Variants in GTF2H1 observed in about 807,000 individuals in gnomAD.
The protein encoded by GTF2H1 is BTF2 p62.
GTF2H1 carries 16 observed loss-of-function variants against 71.2 expected under a neutral mutation model. The ratio of observed to expected loss-of-function variants is 0.22; its 90% CI spans 0.15 to 0.34. The LOEUF is 0.34. GTF2H1 is among the 10% of genes least tolerant of loss of function. GTF2H1 has a pLI of 1.00. For synonymous variants in GTF2H1, 215 were observed against 219.0 expected, an observed-to-expected ratio of 0.98 and a Z score of 0.16; for missense variants, 498 against 648.2, an observed-to-expected ratio of 0.77 and a Z score of 2.52.
At chr11:18,343,879 G>A (rs1389675100) in intron 7 of GTF2H1, among the ~76,000 whole-genome samples, 1 of 152,184 alleles carries the variant, frequency 6.6e-6, no homozygotes, top group African/African-American at 2.4e-5. Flanking sequence ...TGTTGCCCAG[G>A]CTGGAGTGCA....
In GTF2H1 at chr11:18,366,022, T is replaced by G. The variant is rs113910912; in HGVS notation, c.*153T>G. 2 of 609,604 alleles carry G rather than the reference T, an allele frequency of 3.3e-6. No individual in the cohort carries two copies. Among genetic ancestry groups the G allele is most frequent in the Non-Finnish European group, 5.9e-6 (2 of 341,386 alleles). The allele number at this position is 609,604 out of a possible 1,614,324, so 37.8% of individuals were successfully genotyped here. On this transcript the variant is annotated 3_prime_UTR_variant, in exon 15 of 15. Coordinates refer to ENST00000265963, the MANE Select transcript of GTF2H1 (RefSeq NM_005316.4). Reference sequence around the variant, plus strand: ...ACTCCCAGAGCTGATGCTATTGTACTTGCACATTGGAGACTGAAAGGAAAG... The same window carrying G: ...ACTCCCAGAGCTGATGCTATTGTACGTGCACATTGGAGACTGAAAGGAAAG...
intron 1 of GTF2H1, among the ~76,000 whole-genome samples, chr11:18,331,164 C>T (rs1378990544): frequency 6.6e-6 from 1 of 152,110 alleles, no homozygotes; most frequent in Non-Finnish European, 1.5e-5. Flanking sequence ...TCTCCTGATT[C>T]TCCCGCTTCA....
intron 7 of GTF2H1, chr11:18,347,040 A>G (rs1865311678): frequency 6.7e-6 from 1 of 149,368 alleles, no homozygotes; most frequent in African/African-American, 2.5e-5. Context: ...TATTGCTTTT[A>G]TTTAACGTTT....
At chr11:18,350,342 C>T (rs1263594901) in intron 9 of GTF2H1, among the ~76,000 whole-genome samples, 7 of 151,892 alleles carry the variant, frequency 4.6e-5, no homozygotes, top group Non-Finnish European at 7.4e-5. Context: ...GGTAAGGCAA[C>T]AGCAGGGGTA....
intron 14 of GTF2H1, among the ~76,000 whole-genome samples, chr11:18,361,299 T>A (rs192995090): frequency 7.2e-5 from 11 of 152,234 alleles, no homozygotes; most frequent in African/African-American, 2.6e-4. Flanking sequence ...TGCATACCAC[T>A]CTCTCTTCCC....
At chr11:18,344,569 A>G (rs1017068859) in intron 7 of GTF2H1, among the ~76,000 whole-genome samples, 1 of 149,880 alleles carries the variant, frequency 6.7e-6, no homozygotes, top group Admixed American at 6.7e-5. Flanking sequence ...CAGTGAGCTA[A>G]GATTGCACCA....
chr11:18,361,600 C>G (rs184335463), intron 14 of GTF2H1, among the ~76,000 whole-genome samples: 1 of 152,304 alleles, frequency 6.6e-6, no homozygotes, highest in Non-Finnish European at 1.5e-5. Flanking sequence ...ACCTGGGAGA[C>G]AGGGGTTGCG....
Position 18,347,853 on chromosome 11 carries a change from T to C in GTF2H1, c.987T>C (p.Thr329=). 1 of 1,610,280 alleles carries C rather than the reference T, an allele frequency of 6.2e-7. No homozygotes were observed. Among genetic ancestry groups the C allele is most frequent in the Non-Finnish European group, 8.5e-7 (1 of 1,178,902 alleles). ...LRKQEAQNEQ[T]SEPSNMDGNS... ...TAAGAGAAGCACAAAATGAACAAACTAGTGAGCCCAGCAACATGGATGGAA... is the reference window on the plus strand; with the variant it reads ...TAAGAGAAGCACAAAATGAACAAACCAGTGAGCCCAGCAACATGGATGGAA... Residue 329 remains threonine, a synonymous_variant, in exon 9 of 15, where the codon ACT becomes ACC. Transcript: ENST00000265963.
At position 18,358,054 on chromosome 11, in the gene GTF2H1, GC is replaced by G; in HGVS notation, c.1351+14del. ...GCAAGCCATAAACCGTATGTGCCGGGCCATCTTCTACTACTTTCTGCCTAAA... is the reference window on the plus strand; with the variant it reads ...GCAAGCCATAAACCGTATGTGCCGGGCATCTTCTACTACTTTCTGCCTAAA... On this transcript the variant is annotated intron_variant, in intron 12 of 14. Transcript: ENST00000265963. The G allele has an allele frequency of 6.3e-7, 1 of 1,588,394 alleles. No individual in the cohort carries two copies.
intron 11 of GTF2H1, among the ~76,000 whole-genome samples, chr11:18,352,924 T>C (rs551910534): frequency 6.6e-6 from 1 of 152,356 alleles, no homozygotes; most frequent in Admixed American, 6.5e-5. Flanking sequence ...GCAAGTTGTC[T>C]TTCTAAAATC....
At chr11:18,347,533 A>T (rs1865323431) in intron 7 of GTF2H1, 55 bp from the exon 8 acceptor site, 15 of 1,357,482 alleles carry the variant, frequency 1.1e-5, no homozygotes, top group Non-Finnish European at 1.3e-5. Flanking sequence ...AGCGTGTCTT[A>T]TAATAAGAAA....
At chr11:18,341,851 G>A (rs906893062) in intron 7 of GTF2H1, 4 of 345,118 alleles carry the variant, frequency 1.2e-5, no homozygotes, top group Admixed American at 4.6e-5. Flanking sequence ...TCCCTCATCC[G>A]CAGTTCTCTA....
At position 18,366,173 on chromosome 11, in the gene GTF2H1, T is replaced by C. The variant is rs779810331; in HGVS notation, c.*304T>C. 9 of 280,786 alleles carry C rather than the reference T, an allele frequency of 3.2e-5. No individual in the cohort carries two copies. Among genetic ancestry groups the C allele is most frequent in the Non-Finnish European group, 4.6e-5 (7 of 151,702 alleles). The allele number at this position is 280,786 out of a possible 1,614,324, so 17.4% of individuals were successfully genotyped here. On this transcript the variant is annotated 3_prime_UTR_variant, in exon 15 of 15. Coordinates refer to ENST00000265963, the MANE Select transcript of GTF2H1 (RefSeq NM_005316.4). ...TACATATATATTTTAAAAGACTGTT[T>C]ACTGCAGTTGCTCAGGAACTGCTTT... is the stretch of plus-strand genomic sequence containing the variant.
intron 9 of GTF2H1, 97 bp from the exon 10 acceptor site, chr11:18,351,784 C>T (rs951090370): frequency 1.5e-6 from 1 of 654,218 alleles, no homozygotes; most frequent in Admixed American, 2.4e-5. Flanking sequence ...GGGAAGACTT[C>T]ATTTTTTACC....
intron 7 of GTF2H1, among the ~76,000 whole-genome samples, chr11:18,342,252 CTTTTTTTTT>C (rs71047585): frequency 2.7e-5 from 2 of 72,778 alleles, no homozygotes; most frequent in Admixed American, 4.2e-4. Context: ...TTTTCTGTCT[CTTTTTTTTT>C]TTTTTTTTTT....
intron 11 of GTF2H1, among the ~76,000 whole-genome samples, chr11:18,356,050 G>T (rs1047218454): frequency 6.6e-6 from 1 of 152,058 alleles, no homozygotes; most frequent in African/African-American, 2.4e-5. Flanking sequence ...TGTCCCAGGC[G>T]TGGAATTTTC....
In GTF2H1 at chr11:18,347,803, G is replaced by A. The variant is rs192802957; in HGVS notation, c.966-29G>A. 1,641 of 1,594,572 alleles carry A rather than the reference G, an allele frequency of 1.0e-3. 4 individuals are homozygous for A. The highest frequency in any genetic ancestry group is 6.6e-3 in the African/African-American group (487 of 73,970). On this transcript the variant is annotated intron_variant, in intron 8 of 14. Transcript: ENST00000265963. ...TGTTGTTTTGCTTGTGGTTTTTAAC[G>A]TTAACTTTTTTTTCCCCTTTATTTT...
chr11:18,329,609 A>G (rs1864847516), intron 1 of GTF2H1, among the ~76,000 whole-genome samples: 1 of 152,160 alleles, frequency 6.6e-6, no homozygotes, highest in African/African-American at 2.4e-5. Flanking sequence ...GGCCTTCTCC[A>G]CTATATGCCT....
At chr11:18,325,330 C>T (rs1335098579) in intron 1 of GTF2H1, among the ~76,000 whole-genome samples, 1 of 152,208 alleles carries the variant, frequency 6.6e-6, no homozygotes, top group Non-Finnish European at 1.5e-5. Flanking sequence ...AGAAATGGTA[C>T]ATTGATCTGT....
Sources: gnomAD v4.1 joint callset for allele counts (sites outside exome capture counted in the v4.1 genomes callset) on GRCh38, gnomAD v4.1.1 for gene constraint, MANE v1.5 for transcripts, NCBI Gene and HGNC (gene_info 2026-07-23, HGNC 2026-07-21) for gene names.